Variants in NDUFAF6 observed in about 807,000 individuals in gnomAD.
NDUFAF6 encodes NADH:ubiquinone oxidoreductase complex assembly factor 6.
A neutral mutation model predicts 40.8 loss-of-function variants in NDUFAF6; 45 were observed. That is an observed-to-expected ratio of 1.10 (90% CI 0.87 to 1.42). NDUFAF6 has a LOEUF of 1.42. NDUFAF6 is among the 40% of genes most tolerant of loss of function. The probability of loss-of-function intolerance (pLI) is 0.00; values close to 1 mark genes in which losing one functional copy is unlikely to be tolerated. For synonymous variants in NDUFAF6, 185 were observed against 155.9 expected (o/e 1.19, Z -1.39); for missense variants, 435 against 418.5 (o/e 1.04, Z -0.34).
intron 1 of NDUFAF6, among the ~76,000 whole-genome samples, chr8:94,943,088 G>C (rs1821698817): frequency 6.6e-6 from 1 of 152,216 alleles, no homozygotes; most frequent in African/African-American, 2.4e-5. Flanking sequence ...TGCAGTTGGA[G>C]ATGTCCAGCA....
At chr8:94,999,313 G>T (rs192859619) in intron 2 of NDUFAF6, among the ~76,000 whole-genome samples, 1 of 151,768 alleles carries the variant, frequency 6.6e-6, no homozygotes, top group East Asian at 1.9e-4. Context: ...TAGTAGAGAC[G>T]GGGTTTCACC....
intron 4 of NDUFAF6, among the ~76,000 whole-genome samples, chr8:95,042,540 A>G (rs1222494145): frequency 6.6e-6 from 1 of 152,232 alleles, no homozygotes; most frequent in Admixed American, 6.5e-5. Context: ...AGGGGGGGAT[A>G]TTTAAAAGTA....
intron 2 of NDUFAF6, among the ~76,000 whole-genome samples, chr8:95,007,207 G>A (rs371527383): frequency 1.3e-5 from 2 of 151,656 alleles, no homozygotes; most frequent in East Asian, 3.9e-4. Context: ...TTTTTTTGAG[G>A]CTGCTTGTAT....
intron 2 of NDUFAF6, among the ~76,000 whole-genome samples, chr8:95,085,140 A>C (rs924568158): frequency 6.6e-6 from 1 of 152,208 alleles, no homozygotes. Flanking sequence ...GGGATTTGTT[A>C]TCTTGGTAAT....
intron 1 of NDUFAF6, among the ~76,000 whole-genome samples, chr8:94,932,917 T>A (rs531932425): frequency 4.1e-4 from 62 of 152,310 alleles, no homozygotes; most frequent in African/African-American, 1.5e-3. Context: ...AGGATTCACA[T>A]AAAATTCAGT....
chr8:94,928,704 T>C (rs1273574055), intron 1 of NDUFAF6: 1 of 152,216 alleles, frequency 6.6e-6, no homozygotes, highest in East Asian at 1.9e-4. Context: ...TCCATCTCAC[T>C]ACACATTTGA....
At chr8:95,024,862 C>A, upstream of NDUFAF6, 1 of 695,300 alleles carries the variant, frequency 1.4e-6, no homozygotes, top group Non-Finnish European at 2.0e-6. Context: ...ATGCAGAGGA[C>A]CACAGCGACA....
intron 2 of NDUFAF6, chr8:94,950,327 C>T (rs549189308): frequency 6.6e-6 from 1 of 152,404 alleles, no homozygotes; most frequent in Admixed American, 6.5e-5. Context: ...CTCTGTCCCA[C>T]ATATAGGTGG....
At chr8:94,949,378 C>T (rs1430705070) in intron 2 of NDUFAF6, 1 of 151,128 alleles carries the variant, frequency 6.6e-6, no homozygotes, top group Non-Finnish European at 1.5e-5. Context: ...GCGCTCGCAA[C>T]AGCTGATCGG....
downstream of NDUFAF6, among the ~76,000 whole-genome samples, chr8:95,117,643 G>A (rs1156657022): frequency 6.6e-6 from 1 of 152,178 alleles, no homozygotes; most frequent in Non-Finnish European, 1.5e-5. Context: ...CTGGGTGCAG[G>A]AAGACTGCAC....
intron 1 of NDUFAF6, among the ~76,000 whole-genome samples, chr8:94,979,965 C>T (rs183863575): frequency 6.2e-4 from 94 of 152,026 alleles, no homozygotes; most frequent in African/African-American, 2.1e-3. Context: ...GGTGTGGTGG[C>T]GCGCACCTGT....
chr8:94,930,267 AAG>A (rs1820259971), intron 1 of NDUFAF6: 1 of 592,730 alleles, frequency 1.7e-6, no homozygotes, highest in African/African-American at 1.9e-5. Context: ...TAATCTGAAA[AAG>A]TGTACAAAAA....
chr8:95,040,220 G>A (rs1240361097), intron 3 of NDUFAF6, among the ~76,000 whole-genome samples: 8 of 152,078 alleles, frequency 5.3e-5, no homozygotes, highest in Non-Finnish European at 1.2e-4. Context: ...CTGATGTTTT[G>A]TCATGATTAG....
At chr8:94,963,939 A>T (rs1563753083) in intron 1 of NDUFAF6, among the ~76,000 whole-genome samples, 1 of 152,136 alleles carries the variant, frequency 6.6e-6, no homozygotes, top group African/African-American at 2.4e-5. Context: ...TCATTTTCAC[A>T]TTCAGCCCTC....
intron 1 of NDUFAF6, among the ~76,000 whole-genome samples, chr8:94,967,277 G>A (rs1824083450): frequency 6.6e-6 from 1 of 152,124 alleles, no homozygotes; most frequent in South Asian, 2.1e-4. Flanking sequence ...CTGTTTTCTT[G>A]GATATGCCCC....
chr8:94,966,751 AT>A (rs1360812714), intron 1 of NDUFAF6, among the ~76,000 whole-genome samples: 1 of 152,172 alleles, frequency 6.6e-6, no homozygotes, highest in Non-Finnish European at 1.5e-5. Flanking sequence ...TGTGTGGCCT[AT>A]CCTCAAATTT....
In NDUFAF6 at chr8:95,051,652, T is replaced by TGTG. The variant is rs1295285191; in HGVS notation, c.817-520_817-518dup. ...TGGATGGACGAGGTTAGAGTCAAGA[T>TGTG]GTGGAGGCCTTTGAATTCCAGGATG... On this transcript the variant is annotated intron_variant, in intron 7 of 8. Transcript: ENST00000396124. 2.0e-5 allele frequency among the ~76,000 whole-genome samples: 3 copies of TGTG among 152,250 alleles called. No individual in the cohort carries two copies. In the South Asian group the frequency reaches 6.2e-4, roughly 32 times the overall value.
At chr8:94,986,930 A>C (rs1188773542) in intron 2 of NDUFAF6, among the ~76,000 whole-genome samples, 2 of 152,220 alleles carry the variant, frequency 1.3e-5, no homozygotes, top group East Asian at 3.8e-4. Context: ...GGCTATGCCT[A>C]TCAATGTTTA....
At chr8:95,054,646 G>C (rs1337062805) in intron 8 of NDUFAF6, among the ~76,000 whole-genome samples, 3 of 152,006 alleles carry the variant, frequency 2.0e-5, no homozygotes, top group Admixed American at 2.0e-4. Flanking sequence ...TGTTGGCCAG[G>C]CTGGTCTCGA....
Sources: allele counts gnomAD v4.1 joint callset (sites outside exome capture counted in the v4.1 genomes callset), GRCh38; gene constraint gnomAD v4.1.1; transcripts MANE v1.5; gene names NCBI Gene and HGNC (gene_info 2026-07-23, HGNC 2026-07-21).